Variants in PTPRN2 observed in about 807,000 individuals in gnomAD.
The protein encoded by PTPRN2 is receptor-type tyrosine-protein phosphatase N2.
In PTPRN2, 74 loss-of-function variants were observed where a neutral mutation model predicts 118.8. That is an observed-to-expected ratio of 0.62 (90% CI 0.52 to 0.76). The LOEUF (loss-of-function observed/expected upper bound fraction) is 0.76, where lower values mean the gene tolerates loss of function less well. PTPRN2 is among the 30% of genes least tolerant of loss of function. The probability of loss-of-function intolerance (pLI) is 0.00; values close to 1 mark genes in which losing one functional copy is unlikely to be tolerated. For synonymous variants in PTPRN2, 641 were observed against 608.0 expected (o/e 1.05, Z -0.80); for missense variants, 1,481 against 1,394.4 (o/e 1.06, Z -0.99).
chr7:158,363,711 G>A (rs1338548702), intron 2 of PTPRN2, among the ~76,000 whole-genome samples: 2 of 152,314 alleles, frequency 1.3e-5, no homozygotes, highest in East Asian at 1.9e-4. Flanking sequence ...AGAGCTCTGA[G>A]GTGAGAGAGC....
At chr7:157,549,714 T>C (rs1798499398) in intron 21 of PTPRN2, among the ~76,000 whole-genome samples, 1 of 152,210 alleles carries the variant, frequency 6.6e-6, no homozygotes, top group East Asian at 1.9e-4. Context: ...CTAGGTTCTT[T>C]AGTAGACAGA....
In PTPRN2 at chr7:158,126,686, T is replaced by G. The variant is rs191975408; in HGVS notation, c.1556+6991A>C. Among the ~76,000 whole-genome samples the G allele has an allele frequency of 2.0e-3, 298 of 150,634 alleles. 3 individuals are homozygous for G. The highest frequency in any genetic ancestry group is 6.9e-3 in the African/African-American group (282 of 40,630). Reference sequence around the variant, plus strand: ...CCCCCAGGACAGCGGGCGGCGGAACTTCCTCTCCGCCACACCAGCCCCCGG... The same window carrying G: ...CCCCCAGGACAGCGGGCGGCGGAACGTCCTCTCCGCCACACCAGCCCCCGG... On this transcript the variant is annotated intron_variant, in intron 9 of 22. Transcript: ENST00000389418.
chr7:157,638,798 C>T (rs2150688416), intron 14 of PTPRN2, among the ~76,000 whole-genome samples: 1 of 152,288 alleles, frequency 6.6e-6, no homozygotes, highest in African/African-American at 2.4e-5. Context: ...TGTCGTCACT[C>T]AGCCACGTGG....
intron 2 of PTPRN2, among the ~76,000 whole-genome samples, chr7:158,424,601 G>T (rs966097134): frequency 2.0e-5 from 3 of 152,248 alleles, no homozygotes; most frequent in Non-Finnish European, 4.4e-5. Context: ...CACGCGTAAT[G>T]CCCAGTGGTC....
intron 11 of PTPRN2, among the ~76,000 whole-genome samples, chr7:157,957,718 C>T (rs1801273454): frequency 6.6e-6 from 1 of 152,020 alleles, no homozygotes; most frequent in South Asian, 2.1e-4. Flanking sequence ...AAAACCGACC[C>T]CACCAGGAGT....
intron 2 of PTPRN2, among the ~76,000 whole-genome samples, chr7:158,330,798 C>G (rs1243928828): frequency 3.5e-5 from 4 of 115,166 alleles, no homozygotes; most frequent in Admixed American, 9.8e-5. Context: ...CACCCACACT[C>G]TCACCATAAG....
At chr7:157,701,484 G>A (rs1798063074) in intron 12 of PTPRN2, among the ~76,000 whole-genome samples, 1 of 152,154 alleles carries the variant, frequency 6.6e-6, no homozygotes, top group Admixed American at 6.5e-5. Flanking sequence ...CACAGGCATC[G>A]TGTGAGCACT....
At chr7:157,838,130 G>T (rs1808106456) in intron 12 of PTPRN2, among the ~76,000 whole-genome samples, 1 of 149,786 alleles carries the variant, frequency 6.7e-6, no homozygotes. Context: ...CTCTCATAGT[G>T]GATGGCACGG....
intron 3 of PTPRN2, among the ~76,000 whole-genome samples, chr7:158,268,224 C>T (rs558058419): frequency 1.3e-4 from 20 of 151,224 alleles, no homozygotes; most frequent in East Asian, 1.2e-3. Context: ...GCACACAGAG[C>T]GGGGTGTGAG....
At position 157,629,262 on chromosome 7, in the gene PTPRN2, G is replaced by A. The variant is rs1356158388; in HGVS notation, c.2197-7753C>T. ...CTGCCAAAGACACCGCAGAACCCATGGGGAGGCAGAAGAAAGGCTGGAGCA... is the reference window on the plus strand; with the variant it reads ...CTGCCAAAGACACCGCAGAACCCATAGGGAGGCAGAAGAAAGGCTGGAGCA... On this transcript the variant is annotated intron_variant, in intron 14 of 22. Transcript: ENST00000389418. This position sits in a 1 kb window ranked among gnomAD's most constrained non-coding sequence, Gnocchi z 4.4. 6.6e-6 allele frequency among the ~76,000 whole-genome samples: 1 copy of A among 152,150 alleles called. No homozygotes were observed. The highest frequency in any genetic ancestry group is 2.4e-5 in the African/African-American group (1 of 41,424).
intron 13 of PTPRN2, among the ~76,000 whole-genome samples, chr7:157,681,603 T>G (rs1203563259): frequency 6.6e-6 from 1 of 152,218 alleles, no homozygotes; most frequent in Non-Finnish European, 1.5e-5. Flanking sequence ...CAATCTCTTT[T>G]AAGCATAGAG....
chr7:158,110,729 T>G, intron 10 of PTPRN2, 100 bp downstream of exon 10: 1 of 1,118,422 alleles, frequency 8.9e-7, no homozygotes. Context: ...TTCCCTCATG[T>G]AATTAACAAG....
In PTPRN2 at chr7:158,145,268, A is replaced by G. The variant is rs73745149; in HGVS notation, c.911-6753T>C. Among the ~76,000 whole-genome samples, 1,224 of 149,200 alleles carry G rather than the reference A, an allele frequency of 8.2e-3. 26 individuals carry two copies. The highest frequency in any genetic ancestry group is 0.029 in the African/African-American group (1,164 of 39,498). Reference sequence around the variant, plus strand: ...CACGGCTTGGCAAGACTTCCCTCACATCATCGCGAGAAGGTTCCAGAATAC... The same window carrying G: ...CACGGCTTGGCAAGACTTCCCTCACGTCATCGCGAGAAGGTTCCAGAATAC... On this transcript the variant is annotated intron_variant, in intron 6 of 22. Coordinates refer to ENST00000389418, the MANE Select transcript of PTPRN2 (RefSeq NM_002847.5).
chr7:157,701,230 T>C (rs748579116), intron 12 of PTPRN2, among the ~76,000 whole-genome samples: 4 of 152,170 alleles, frequency 2.6e-5, no homozygotes, highest in Admixed American at 6.5e-5. Context: ...CAGGCTCCTA[T>C]GCGAACCCAC....
chr7:158,503,985 C>CAAA (rs58070541), intron 1 of PTPRN2, among the ~76,000 whole-genome samples: 6 of 118,234 alleles, frequency 5.1e-5, no homozygotes, highest in Non-Finnish European at 9.1e-5. Flanking sequence ...GAGACTGTCT[C>CAAA]AAAAAAAAAA....
chr7:157,553,970 CCGGGCGCCGGA>C (rs2150475461), intron 21 of PTPRN2, among the ~76,000 whole-genome samples: 1 of 134,474 alleles, frequency 7.4e-6, no homozygotes. Flanking sequence ...TACGGCCAGG[CCGGGCGCCGGA>C]TCCTGCCCGC....
At chr7:157,720,671 A>G (rs1450706437) in intron 12 of PTPRN2, among the ~76,000 whole-genome samples, 1 of 152,172 alleles carries the variant, frequency 6.6e-6, no homozygotes, top group Non-Finnish European at 1.5e-5. Flanking sequence ...CCTCGTCTCC[A>G]TCAAGCGCTT....
At chr7:158,257,170 G>A (rs1419476455) in intron 3 of PTPRN2, among the ~76,000 whole-genome samples, 1 of 152,172 alleles carries the variant, frequency 6.6e-6, no homozygotes, top group African/African-American at 2.4e-5. Context: ...CTACCACCCA[G>A]GTCAGCAGGC....
chr7:157,744,419 G>T (rs975502308), intron 12 of PTPRN2, among the ~76,000 whole-genome samples: 2 of 152,196 alleles, frequency 1.3e-5, no homozygotes, highest in African/African-American at 2.4e-5. Context: ...TCCCATCCCA[G>T]CATCGGGCCG....
Sources: allele counts gnomAD v4.1 joint callset (sites outside exome capture counted in the v4.1 genomes callset), GRCh38; gene constraint gnomAD v4.1.1; non-coding constraint Gnocchi (gnomAD v3.1); transcripts MANE v1.5; gene names NCBI Gene and HGNC (gene_info 2026-07-23, HGNC 2026-07-21).